Variants in TENT4A observed in about 807,000 individuals in gnomAD.
TENT4A encodes the protein terminal nucleotidyltransferase 4A.
Under a neutral mutation model 72.8 loss-of-function variants are expected in TENT4A, and 7 were observed. That is an observed-to-expected ratio of 0.10 (90% CI 0.05 to 0.18). The LOEUF (loss-of-function observed/expected upper bound fraction) is 0.18. Ranked by LOEUF, TENT4A falls within the 10% of genes least tolerant of loss-of-function variation. The pLI is 1.00. For synonymous variants in TENT4A, 456 were observed against 434.3 expected (o/e 1.05, Z -0.62); for missense variants, 831 against 1,017.7 (o/e 0.82, Z 2.50).
At chr5:6,739,196 T>C (rs1369557584) in intron 3 of TENT4A, among the ~76,000 whole-genome samples, 1 of 152,256 alleles carries the variant, frequency 6.6e-6, no homozygotes, top group Admixed American at 6.5e-5. Flanking sequence ...TAAGGATTCT[T>C]GATAGCCAAA....
chr5:6,720,229 G>A (rs574231043), intron 1 of TENT4A, among the ~76,000 whole-genome samples: 2 of 152,346 alleles, frequency 1.3e-5, no homozygotes, highest in Admixed American at 6.5e-5. Flanking sequence ...TGAAGGTCAT[G>A]TAGTAGTACA....
chr5:6,719,885 G>C (rs1449618500), intron 1 of TENT4A, among the ~76,000 whole-genome samples: 1 of 152,198 alleles, frequency 6.6e-6, no homozygotes, highest in Non-Finnish European at 1.5e-5. Context: ...GTCAGATCAG[G>C]GATGGCGGGG....
intron 7 of TENT4A, among the ~76,000 whole-genome samples, chr5:6,747,256 G>A (rs1459438013): frequency 6.6e-6 from 1 of 152,190 alleles, no homozygotes; most frequent in Admixed American, 6.5e-5. Flanking sequence ...CGTGTCCCTG[G>A]GCCTTCTCCT....
chr5:6,752,891 C>T lies in TENT4A; in HGVS notation c.2038C>T (p.Pro680Ser). ...TNNQTRFTIP[P>S]PTLGVAPVPC... ...TTCCTAGACCAGGTTTACTATACCT[C>T]CACCGACCCTAGGGGTTGCTCCTGT... The change falls in exon 12 of 13, where the codon CCA becomes TCA. Residue 680 changes from proline to serine, a missense_variant. Pro to Ser is a moderately conservative substitution (Grantham distance 74). This residue lies in a region of TENT4A where 332 missense variants were observed against 324.3 expected (regional missense o/e 1.02). Coordinates refer to ENST00000230859, the MANE Select transcript of TENT4A (RefSeq NM_006999.6). The T allele has an allele frequency of 6.2e-7, 1 of 1,614,026 alleles. No individual in the cohort carries two copies. Among genetic ancestry groups the T allele is most frequent in the Non-Finnish European group, 8.5e-7 (1 of 1,179,908 alleles).
chr5:6,737,197 C>G (rs752655363), intron 1 of TENT4A, among the ~76,000 whole-genome samples: 2 of 152,258 alleles, frequency 1.3e-5, no homozygotes, highest in Non-Finnish European at 2.9e-5. Context: ...AAGCTGCTTT[C>G]ACACTTCCTG....
rs1237999795 is a variant in TENT4A at position 6,750,373 on chromosome 5, G to A, written c.1730G>A (p.Gly577Glu). The change falls in exon 10 of 13, where the codon GGG becomes GAG. Residue 577 changes from glycine to glutamate, a missense_variant. Gly to Glu is a moderately conservative substitution (Grantham distance 98). Transcript: ENST00000230859. ...AAAGAGCGAATAGCCACATGCAATG[G>A]GGAGCAGACGCAGAACCGAGAGCCC... ...KIKERIATCNGEQTQNREPES... is the reference protein window; with the variant it reads ...KIKERIATCNEEQTQNREPES... The A allele has an allele frequency of 1.9e-6, 3 of 1,612,678 alleles. No homozygotes were observed. The African/African-American group carries it at 4.0e-5, about 22-fold the overall frequency.
At position 6,718,188 on chromosome 5, in the gene TENT4A, C is replaced by T. The variant is rs139925449; in HGVS notation, c.716+3489C>T. ...TAGTTTGAAGTCTGAGAGAGACCGA[C>T]GACTGTCGGCATAGGACATGGTCAG... On this transcript the variant is annotated intron_variant, in intron 1 of 12. Transcript: ENST00000230859. Among the ~76,000 whole-genome samples the T allele has an allele frequency of 1.2e-3, 189 of 152,360 alleles. 1 individual carries two copies. The highest frequency in any genetic ancestry group is 3.7e-3 in the African/African-American group (153 of 41,578).
chr5:6,725,281 A>G (rs1454800862), intron 1 of TENT4A, among the ~76,000 whole-genome samples: 1 of 152,166 alleles, frequency 6.6e-6, no homozygotes, highest in Non-Finnish European at 1.5e-5. Flanking sequence ...AGATCACACT[A>G]CTGCACTCCA....
Position 6,733,325 on chromosome 5 carries a change from C to T in TENT4A, c.717-4185C>T, listed in dbSNP as rs147390067. On this transcript the variant is annotated intron_variant, in intron 1 of 12. Coordinates refer to ENST00000230859, the MANE Select transcript of TENT4A (RefSeq NM_006999.6). ...TGGCTGGCACTGCTTCCCGGCGTGC[C>T]GCCAGCCTTTCTCATGGGGAGGGGA... is the stretch of plus-strand genomic sequence containing the variant. 9.3e-3 allele frequency among the ~76,000 whole-genome samples: 1,412 copies of T among 152,346 alleles called. 5 individuals carry two copies. Among genetic ancestry groups the T allele is most frequent in the Non-Finnish European group, 0.016 (1,059 of 68,032 alleles).
chr5:6,720,878 T>TTAAGTTGATAGCAGTC (rs888771473), intron 1 of TENT4A, among the ~76,000 whole-genome samples: 2 of 151,998 alleles, frequency 1.3e-5, no homozygotes, highest in African/African-American at 4.8e-5. Flanking sequence ...CCCAGTTCTC[T>TTAAGTTGATAGCAGTC]TAAGTTGATA....
In TENT4A at chr5:6,714,676, C is replaced by T. The variant is rs1561022435; in HGVS notation, c.693C>T (p.Arg231=). 8.4e-7 allele frequency: 1 copy of T among 1,195,966 alleles called. No homozygotes were observed. Among genetic ancestry groups the T allele is most frequent in the Non-Finnish European group, 1.0e-6 (1 of 964,718 alleles). The allele number at this position is 1,195,966 out of a possible 1,614,324, so 74.1% of individuals were successfully genotyped here. The change falls in exon 1 of 13, where the codon CGC becomes CGT. Residue 231 remains arginine (R), a synonymous_variant. Transcript: ENST00000230859. ...GGCCCGGCACCCCGTGGAAGAGCCG[C>T]GCGTACAGCCCGGGCATCCAGGGGT... The part of the protein sequence containing the change: ...APRPGTPWKS[R]AYSPGIQGLH...
rs1379871962 is a variant in TENT4A, at chr5:6,754,872, A to G, written c.2306A>G (p.Tyr769Cys). 6.2e-7 allele frequency: 1 copy of G among 1,608,440 alleles called. No homozygotes were observed. The highest frequency in any genetic ancestry group is 8.5e-7 in the Non-Finnish European group (1 of 1,175,930). ...GTGGGCAACAGGGGACACCACCAGT[A>G]TAACCGCACCGGCTGGAGGAGGAAA... ...PPVGNRGHHQ[Y>C]NRTGWRRKKH... Residue 769 changes from tyrosine to cysteine, a missense_variant, in exon 13 of 13, where the codon TAT becomes TGT. By Grantham distance (194) the Tyr-to-Cys change is radical (BLOSUM62 -2). Coordinates refer to ENST00000230859, the MANE Select transcript of TENT4A (RefSeq NM_006999.6).
At position 6,713,939 on chromosome 5, in the gene TENT4A, C is replaced by T. The variant is rs1740225431; in HGVS notation, c.-45C>T. On this transcript the variant is annotated 5_prime_UTR_variant, in exon 1 of 13. Coordinates refer to ENST00000230859, the MANE Select transcript of TENT4A (RefSeq NM_006999.6). ...TCGGGGCGCGGCGGGGGCGGGGCCG[C>T]GTCGGGGCGGGCGGGCGCGCGGGCC... 3 of 830,030 alleles carry T rather than the reference C, an allele frequency of 3.6e-6. No homozygotes were observed. The highest frequency in any genetic ancestry group is 2.9e-6 in the Non-Finnish European group (2 of 691,728). The allele number at this position is 830,030 out of a possible 1,614,324, so 51.4% of individuals were successfully genotyped here. A position where few individuals can be genotyped will look rare whatever the true frequency, so the allele number is the denominator to read the frequency against.
intron 1 of TENT4A, among the ~76,000 whole-genome samples, chr5:6,728,987 A>G (rs1741074592): frequency 6.6e-6 from 1 of 152,242 alleles, no homozygotes; most frequent in Non-Finnish European, 1.5e-5. Flanking sequence ...ATGCTAGGTA[A>G]GCATTTCCTC....
At chr5:6,727,514 TG>T (rs1299659247) in intron 1 of TENT4A, among the ~76,000 whole-genome samples, 4 of 152,346 alleles carry the variant, frequency 2.6e-5, no homozygotes, top group African/African-American at 9.6e-5. Context: ...CTCCGCTGCT[TG>T]GGCTGTGCTG....
chr5:6,753,051 C>T lies in TENT4A; in HGVS notation c.2184+14C>T, dbSNP rs1424858429. 2 of 1,592,122 alleles carry T rather than the reference C, an allele frequency of 1.3e-6. No homozygotes were observed. The highest frequency in any genetic ancestry group is 2.2e-5 in the South Asian group (2 of 88,966). On this transcript the variant is annotated intron_variant, in intron 12 of 12. Transcript: ENST00000230859. Reference sequence around the variant, plus strand: ...CTGTATCATAAGGTATAGCTCTGTCCTGGTGCATTCACCTACCTGTTCAAG... The same window carrying T: ...CTGTATCATAAGGTATAGCTCTGTCTTGGTGCATTCACCTACCTGTTCAAG...
chr5:6,714,647 C>A lies in TENT4A; in HGVS notation c.664C>A (p.Pro222Thr). 1 of 1,199,444 alleles carries A rather than the reference C, an allele frequency of 8.3e-7. No individual in the cohort carries two copies. The highest frequency in any genetic ancestry group is 1.0e-6 in the Non-Finnish European group (1 of 967,090). The allele number at this position is 1,199,444 out of a possible 1,614,324, so 74.3% of individuals were successfully genotyped here. Residue 222 changes from proline (P) to threonine (T), a missense_variant, in exon 1 of 13, where the codon CCG becomes ACG. By Grantham distance (38) the Pro-to-Thr change is conservative (BLOSUM62 -1). Transcript: ENST00000230859. ...SGGGGPGAQA[P>T]RPGTPWKSRA... is the part of the protein sequence containing the mutation. The stretch of plus-strand genomic sequence containing the variant: ...AGGGGGCGGCCCCGGGGCCCAGGCG[C>A]CGCGGCCCGGCACCCCGTGGAAGAG...
At chr5:6,735,439 C>T (rs983862447) in intron 1 of TENT4A, among the ~76,000 whole-genome samples, 13 of 152,196 alleles carry the variant, frequency 8.5e-5, no homozygotes, top group Admixed American at 5.9e-4. Flanking sequence ...TCCACCCAGA[C>T]GTTCTTCCTG....
In TENT4A at chr5:6,756,192, T is replaced by C. The variant is rs998147903; in HGVS notation, c.*1247T>C. On this transcript the variant is annotated 3_prime_UTR_variant, in exon 13 of 13. Coordinates refer to ENST00000230859, the MANE Select transcript of TENT4A (RefSeq NM_006999.6). ...GCCCGACGTCGGAAGCATACAGGTA[T>C]ACTATGCAAGTGTATTCTGCCACAA... 1 of 152,692 alleles carries C rather than the reference T, an allele frequency of 6.5e-6. No individual in the cohort carries two copies. The highest frequency in any genetic ancestry group is 1.5e-5 in the Non-Finnish European group (1 of 68,076). 9.5% of individuals were successfully genotyped at this position (152,692 alleles called of 1,614,324 possible). A position where few individuals can be genotyped will look rare whatever the true frequency, so the allele number is the denominator to read the frequency against.
Sources: allele counts gnomAD v4.1 joint callset (sites outside exome capture counted in the v4.1 genomes callset), GRCh38; gene constraint gnomAD v4.1.1; regional missense constraint gnomAD v4.1.1; transcripts MANE v1.5; gene names NCBI Gene and HGNC (gene_info 2026-07-23, HGNC 2026-07-21).